The following DUSP14 variants were observed in gnomAD, a reference collection of about 807,000 sequenced individuals.
DUSP14 encodes the protein dual specificity protein phosphatase 14.
A neutral mutation model predicts 13.2 loss-of-function variants in DUSP14; 5 were observed. That is an observed-to-expected ratio of 0.38 (90% CI 0.20 to 0.80). The LOEUF is 0.80. DUSP14 is among the 30% of genes least tolerant of loss of function. DUSP14 has a pLI of 0.44. For missense variants in DUSP14, 185 were observed against 264.0 expected (o/e 0.70, Z 2.07); for synonymous variants, 91 against 103.4 (o/e 0.88, Z 0.73).
Position 37,499,964 on chromosome 17 carries a change from C to T in DUSP14, c.-181+10006C>T, listed in dbSNP as rs540377904. On this transcript the variant is annotated intron_variant, in intron 1 of 2. Transcript: ENST00000617516. ...GGATCCTCTGCCTTGGGACCCCTCT[C>T]GTTCAGCTGAAAACTTCATCCCTCC... is the stretch of plus-strand genomic sequence containing the variant. Among the ~76,000 whole-genome samples the T allele has an allele frequency of 2.6e-4, 39 of 152,356 alleles. No individual in the cohort carries two copies. In the East Asian group the frequency reaches 3.5e-3, roughly 14 times the overall value.
At chr17:37,495,343 C>T (rs1043539243) in intron 1 of DUSP14, among the ~76,000 whole-genome samples, 2 of 152,176 alleles carry the variant, frequency 1.3e-5, no homozygotes, top group African/African-American at 4.8e-5. Context: ...CTTTTCACAC[C>T]CCATGCCATG....
chr17:37,494,062 C>G (rs905550979), intron 1 of DUSP14, among the ~76,000 whole-genome samples: 1 of 150,298 alleles, frequency 6.7e-6, no homozygotes, highest in Non-Finnish European at 1.5e-5. Context: ...GGCGCGATCT[C>G]GGCTCACTGC....
intron 1 of DUSP14, among the ~76,000 whole-genome samples, chr17:37,492,965 T>G (rs1387484427): frequency 2.0e-5 from 3 of 152,204 alleles, no homozygotes; most frequent in African/African-American, 7.2e-5. Flanking sequence ...GTAGATACTC[T>G]TGTGAATCCT....
intron 1 of DUSP14, among the ~76,000 whole-genome samples, chr17:37,499,551 CAG>C (rs1288451168): frequency 4.0e-5 from 6 of 151,646 alleles, no homozygotes; most frequent in African/African-American, 7.3e-5. Context: ...TTTTTTGAGA[CAG>C]AGTTTCGCTC....
intron 1 of DUSP14, among the ~76,000 whole-genome samples, chr17:37,493,240 G>A (rs1266516621): frequency 6.6e-6 from 1 of 152,090 alleles, no homozygotes; most frequent in Non-Finnish European, 1.5e-5. Context: ...TGGGATTACA[G>A]GTGTGAGCCA....
chr17:37,511,209 A>G (rs1177224792), intron 2 of DUSP14, among the ~76,000 whole-genome samples: 1 of 152,106 alleles, frequency 6.6e-6, no homozygotes, highest in Non-Finnish European at 1.5e-5. Flanking sequence ...ATGGCCTTCA[A>G]ATTGCCTGGG....
At chr17:37,489,187 T>C (rs1021833943), upstream of DUSP14, among the ~76,000 whole-genome samples, 1 of 152,210 alleles carries the variant, frequency 6.6e-6, no homozygotes, top group Non-Finnish European at 1.5e-5. Flanking sequence ...CAAATGCCCG[T>C]GTCCCGCCTG....
At chr17:37,490,873 C>T (rs2054023528) in intron 1 of DUSP14, among the ~76,000 whole-genome samples, 2 of 152,110 alleles carry the variant, frequency 1.3e-5, no homozygotes, top group African/African-American at 4.8e-5. Flanking sequence ...TCCGGGTATC[C>T]TTAGTAACCT....
chr17:37,490,126 C>G (rs1456715107), intron 1 of DUSP14, among the ~76,000 whole-genome samples, 168 bp downstream of exon 1: 1 of 151,454 alleles, frequency 6.6e-6, no homozygotes, highest in East Asian at 1.9e-4. Flanking sequence ...CCCTGGCGGT[C>G]CTTGACTCTT....
intron 2 of DUSP14, among the ~76,000 whole-genome samples, chr17:37,511,938 C>T (rs9900404): frequency 0.15 from 5,596 of 38,086 alleles, 1,101 homozygotes; most frequent in Admixed American, 0.21. Context: ...CCCCACCCCA[C>T]TTTTTTTTTT....
Position 37,512,109 on chromosome 17 carries a change from T to C in DUSP14, c.-92-72T>C. On this transcript the variant is annotated intron_variant, in intron 2 of 2. Coordinates refer to ENST00000617516, the MANE Select transcript of DUSP14 (RefSeq NM_007026.4). This position sits in a 1 kb window ranked among gnomAD's most constrained non-coding sequence, Gnocchi z 4.8. ...AAAAAAAACCCTCTAATCTTCCCAT[T>C]TGACAAATGTGACAGAAGGCTGTGA... The C allele has an allele frequency of 3.3e-6, 2 of 600,344 alleles. No homozygotes were observed. The highest frequency in any genetic ancestry group is 5.8e-6 in the Non-Finnish European group (2 of 344,626). The allele number at this position is 600,344 out of a possible 1,614,324, so 37.2% of individuals were successfully genotyped here.
intron 2 of DUSP14, among the ~76,000 whole-genome samples, chr17:37,511,007 A>T (rs2054180297): frequency 6.6e-6 from 1 of 151,620 alleles, no homozygotes; most frequent in African/African-American, 2.4e-5. Flanking sequence ...AATATATATC[A>T]ATATATATGT....
At chr17:37,509,297 A>AGTGTGTGT (rs71135737) in intron 1 of DUSP14, among the ~76,000 whole-genome samples, 31 of 26,740 alleles carry the variant, frequency 1.2e-3, no homozygotes, top group African/African-American at 2.9e-3. Context: ...ATATATATAT[A>AGTGTGTGT]GTGTGTGTGT....
intron 1 of DUSP14, among the ~76,000 whole-genome samples, chr17:37,499,226 C>A (rs1315514139): frequency 1.3e-5 from 2 of 152,204 alleles, no homozygotes; most frequent in Non-Finnish European, 2.9e-5. Flanking sequence ...ACCGCCCCCA[C>A]CTGGTCCTGC....
intron 1 of DUSP14, among the ~76,000 whole-genome samples, chr17:37,495,129 C>G (rs560404423): frequency 6.6e-6 from 1 of 152,204 alleles, no homozygotes; most frequent in Admixed American, 6.5e-5. Flanking sequence ...GTCACCCCTT[C>G]GGCCTTCCAG....
chr17:37,505,244 G>T (rs1442868197), intron 1 of DUSP14, among the ~76,000 whole-genome samples: 1 of 152,124 alleles, frequency 6.6e-6, no homozygotes, highest in Non-Finnish European at 1.5e-5. Flanking sequence ...TCAGAAATGT[G>T]GGCCGGACCT....
chr17:37,500,632 A>T (rs1284708796), intron 1 of DUSP14, among the ~76,000 whole-genome samples: 3 of 152,202 alleles, frequency 2.0e-5, no homozygotes, highest in African/African-American at 7.2e-5. Context: ...CATAAATAAC[A>T]GTTTATCATT....
chr17:37,511,937 A>AATTTTTTTTTTTTTTTTT (rs1329764853), intron 2 of DUSP14, among the ~76,000 whole-genome samples: 1 of 16,442 alleles, frequency 6.1e-5, no homozygotes, highest in African/African-American at 2.1e-4. Flanking sequence ...CCCCCACCCC[A>AATTTTTTTTTTTTTTTTT]CTTTTTTTTT....
intron 1 of DUSP14, among the ~76,000 whole-genome samples, chr17:37,494,458 C>T (rs568204601): frequency 6.6e-6 from 1 of 152,248 alleles, no homozygotes; most frequent in African/African-American, 2.4e-5. Context: ...GGGATCCTCC[C>T]ACCTCAGCCT....
Sources: allele counts gnomAD v4.1 joint callset (sites outside exome capture counted in the v4.1 genomes callset), GRCh38; gene constraint gnomAD v4.1.1; non-coding constraint Gnocchi (gnomAD v3.1); transcripts MANE v1.5; gene names NCBI Gene and HGNC (gene_info 2026-07-23, HGNC 2026-07-21).